PCNX2: variants seen among roughly 807,000 people sequenced by gnomAD.
PCNX2 encodes the protein pecanex 2.
PCNX2 carries 168 observed loss-of-function variants against 223.8 expected under a neutral mutation model. The ratio of observed to expected loss-of-function variants is 0.75; its 90% CI spans 0.66 to 0.85. The LOEUF is 0.85. PCNX2 is among the 40% of genes least tolerant of loss of function. The pLI is 0.00. For synonymous variants in PCNX2, 1,006 were observed against 1,052.6 expected (o/e 0.96, Z 0.86); for missense variants, 2,507 against 2,675.5 (o/e 0.94, Z 1.39).
At chr1:233,271,570 T>C (rs1188523794) in intron 1 of PCNX2, among the ~76,000 whole-genome samples, 1 of 152,230 alleles carries the variant, frequency 6.6e-6, no homozygotes, top group Non-Finnish European at 1.5e-5. Context: ...TTAAGCAACA[T>C]TCTTCAAATT....
intron 25 of PCNX2, among the ~76,000 whole-genome samples, chr1:233,033,669 C>T (rs956565861): frequency 3.3e-5 from 5 of 152,134 alleles, no homozygotes; most frequent in African/African-American, 4.8e-5. Context: ...CGGTGCAGGA[C>T]GCTAGAATAT....
At chr1:233,117,719 A>G (rs890688604) in intron 21 of PCNX2, among the ~76,000 whole-genome samples, 1 of 150,796 alleles carries the variant, frequency 6.6e-6, no homozygotes, top group African/African-American at 2.4e-5. Context: ...AACAATTAAG[A>G]AGAATTATAG....
chr1:233,042,978 G>T (rs1429411562), intron 25 of PCNX2, among the ~76,000 whole-genome samples: 2 of 152,196 alleles, frequency 1.3e-5, no homozygotes, highest in Non-Finnish European at 2.9e-5. Context: ...ATGCGGGTTT[G>T]ACTAGCTCTA....
Position 233,258,375 on chromosome 1 carries a change from A to G in PCNX2, c.1487T>C (p.Leu496Pro). 1 of 1,613,972 alleles carries G rather than the reference A, an allele frequency of 6.2e-7. No homozygotes were observed. Among genetic ancestry groups the G allele is most frequent in the East Asian group, 2.2e-5 (1 of 44,868 alleles). Residue 496 changes from leucine (L) to proline (P), a missense_variant, in exon 5 of 34, where the codon CTT becomes CCT. Coordinates refer to ENST00000258229, the MANE Select transcript of PCNX2 (RefSeq NM_014801.4). Reference sequence around the variant, plus strand: ...AGACTCGGAGCCTGTATCAGGTGTAAGCCGGGACACCGATTCCCAGGGTTC... The same window carrying G: ...AGACTCGGAGCCTGTATCAGGTGTAGGCCGGGACACCGATTCCCAGGGTTC... ...SREPWESVSRLTPDTGSESKV... is the reference protein window; with the variant it reads ...SREPWESVSRPTPDTGSESKV...
Position 233,199,040 on chromosome 1 carries a change from AAAC to A in PCNX2, c.2975-13_2975-11del, listed in dbSNP as rs750631799. 3 of 1,559,022 alleles carry A rather than the reference AAAC, an allele frequency of 1.9e-6. No individual in the cohort carries two copies. In the South Asian group the frequency reaches 3.6e-5, roughly 19 times the overall value. ...GTTATCCCAGACACAGCTGGAACAC[AAAC>A]ATCAACAGTTCTTTTCTAGACCCGC... On this transcript the variant is annotated splice_polypyrimidine_tract_variant and intron_variant, in intron 14 of 33. Coordinates refer to ENST00000258229, the MANE Select transcript of PCNX2 (RefSeq NM_014801.4).
chr1:233,244,427 G>A (rs754701280), intron 8 of PCNX2, among the ~76,000 whole-genome samples: 2 of 152,140 alleles, frequency 1.3e-5, no homozygotes, highest in African/African-American at 2.4e-5. Flanking sequence ...ACACAGGGCT[G>A]GACTGGGTGC....
chr1:233,053,286 C>T (rs1001634723), intron 25 of PCNX2, among the ~76,000 whole-genome samples: 1 of 151,994 alleles, frequency 6.6e-6, no homozygotes, highest in Admixed American at 6.6e-5. Context: ...TCTGAGATGC[C>T]GCCTGACTCA....
chr1:233,052,291 T>C (rs1164032340), intron 25 of PCNX2, among the ~76,000 whole-genome samples: 2 of 152,228 alleles, frequency 1.3e-5, no homozygotes, highest in African/African-American at 4.8e-5. Context: ...CTTTAGATAA[T>C]GGTGTTCAAT....
At chr1:233,078,704 C>T (rs1306266194) in intron 23 of PCNX2, among the ~76,000 whole-genome samples, 3 of 152,164 alleles carry the variant, frequency 2.0e-5, no homozygotes, top group African/African-American at 7.2e-5. Context: ...GTCGCATGGT[C>T]GGCTACACTA....
At chr1:233,027,424 G>T (rs1163142886) in intron 25 of PCNX2, among the ~76,000 whole-genome samples, 1 of 152,164 alleles carries the variant, frequency 6.6e-6, no homozygotes, top group Non-Finnish European at 1.5e-5. Flanking sequence ...GCACAGGCTA[G>T]GATCTCCTGT....
intron 23 of PCNX2, among the ~76,000 whole-genome samples, chr1:233,075,696 A>AACACACACACACACAC (rs369431993): frequency 3.6e-4 from 49 of 137,342 alleles, no homozygotes; most frequent in African/African-American, 1.1e-3. Context: ...GTTAGCTTAA[A>AACACACACACACACAC]ACACACACAC....
intron 23 of PCNX2, among the ~76,000 whole-genome samples, chr1:233,060,711 C>T (rs892374378): frequency 6.6e-6 from 1 of 152,220 alleles, no homozygotes; most frequent in African/African-American, 2.4e-5. Context: ...TAGCTCACTC[C>T]CCAATCTCAG....
chr1:233,017,380 C>G lies in PCNX2; in HGVS notation c.4606-226G>C, dbSNP rs868665367. On this transcript the variant is annotated intron_variant, in intron 26 of 33. Transcript: ENST00000258229. ...TCACCCAGGCTGGAGTGCAGCGGTG[C>G]GATCTCGGCTCACTGCAAGCTCCGC... Among the ~76,000 whole-genome samples, 4 of 136,292 alleles carry G rather than the reference C, an allele frequency of 2.9e-5. No homozygotes were observed. The South Asian group carries it at 9.4e-4, about 32-fold the overall frequency. The allele number at this position is 136,292 out of a possible 152,430, so 89.4% of individuals were successfully genotyped here. A position where few individuals can be genotyped will look rare whatever the true frequency, so the allele number is the denominator to read the frequency against.
intron 19 of PCNX2, among the ~76,000 whole-genome samples, chr1:233,149,601 A>T (rs897259232): frequency 5.9e-5 from 9 of 151,974 alleles, no homozygotes. Context: ...AAGCTTTCTC[A>T]CTCTCATCTG....
At chr1:233,103,070 C>T (rs1674581852) in intron 21 of PCNX2, among the ~76,000 whole-genome samples, 1 of 152,056 alleles carries the variant, frequency 6.6e-6, no homozygotes, top group Non-Finnish European at 1.5e-5. Flanking sequence ...TAGGATGAAA[C>T]TAGATGTTTC....
intron 20 of PCNX2, among the ~76,000 whole-genome samples, chr1:233,136,220 A>G (rs1307612727): frequency 6.6e-6 from 1 of 152,112 alleles, no homozygotes; most frequent in Non-Finnish European, 1.5e-5. Flanking sequence ...AGGTGGGAAA[A>G]TTTCTAGAAA....
chr1:233,251,586 T>C (rs1659455412), intron 7 of PCNX2, among the ~76,000 whole-genome samples: 1 of 152,214 alleles, frequency 6.6e-6, no homozygotes, highest in Non-Finnish European at 1.5e-5. Context: ...GCAGCCCCTG[T>C]GGAGGCTTTC....
intron 19 of PCNX2, among the ~76,000 whole-genome samples, chr1:233,150,748 AT>A (rs11388168): frequency 6.6e-6 from 1 of 151,188 alleles, no homozygotes; most frequent in African/African-American, 2.4e-5. Flanking sequence ...CATCCCATTG[AT>A]TTTTTTTTCA....
chr1:233,318,563 C>CTT, the PCNX2 span, among the ~76,000 whole-genome samples: 19,512 of 92,118 alleles, frequency 0.21, 2,322 homozygotes, highest in South Asian at 0.32. Flanking sequence ...TTTTCTTTTT[C>CTT]TTTTTTTTTT....
Sources: allele counts gnomAD v4.1 joint callset (sites outside exome capture counted in the v4.1 genomes callset), GRCh38; gene constraint gnomAD v4.1.1; transcripts MANE v1.5; gene names NCBI Gene and HGNC (gene_info 2026-07-23, HGNC 2026-07-21).